Variants in KCND3 observed in about 807,000 individuals in gnomAD.
The protein encoded by KCND3 is potassium voltage-gated channel subfamily D member 3, also known as A-type voltage-gated potassium channel KCND3.
In KCND3, 9 loss-of-function variants were observed where a neutral mutation model predicts 51.1. That is an observed-to-expected ratio of 0.18 (90% confidence interval 0.11 to 0.31). The LOEUF is 0.31. Among genes scored for constraint, KCND3 ranks in the 10% least tolerant of loss-of-function variants. The pLI is 1.00. For missense variants in KCND3, 526 were observed against 903.8 expected (o/e 0.58, Z 5.36); for synonymous variants, 349 against 368.0 (o/e 0.95, Z 0.59).
At chr1:111,897,676 C>T (rs897207073) in intron 2 of KCND3, among the ~76,000 whole-genome samples, 1 of 152,088 alleles carries the variant, frequency 6.6e-6, no homozygotes, top group Non-Finnish European at 1.5e-5. Context: ...GTCTGGGGTA[C>T]AGAAAGAAGC....
chr1:111,887,853 A>G (rs986373216), intron 2 of KCND3, among the ~76,000 whole-genome samples: 2 of 152,270 alleles, frequency 1.3e-5, no homozygotes, highest in Non-Finnish European at 2.9e-5. Context: ...GGGCTCTCCC[A>G]GGGAACCCAT....
intron 2 of KCND3, among the ~76,000 whole-genome samples, chr1:111,897,274 C>A (rs777581268): frequency 3.9e-5 from 6 of 152,228 alleles, no homozygotes; most frequent in Non-Finnish European, 8.8e-5. Flanking sequence ...CCCTGGTGGT[C>A]CTCACAGCCT....
intron 2 of KCND3, among the ~76,000 whole-genome samples, chr1:111,971,468 C>T (rs1039991946): frequency 6.6e-6 from 1 of 152,134 alleles, no homozygotes; most frequent in African/African-American, 2.4e-5. Flanking sequence ...ATAGACAGCA[C>T]CAAAGTTCCT....
At chr1:111,987,673 G>A (rs914657370) in intron 1 of KCND3, among the ~76,000 whole-genome samples, 7 of 152,294 alleles carry the variant, frequency 4.6e-5, no homozygotes, top group East Asian at 3.9e-4. Flanking sequence ...AACACCTTCC[G>A]GAGCTGGCCT....
At chr1:111,978,816 A>G (rs1674785507) in intron 2 of KCND3, among the ~76,000 whole-genome samples, 2 of 152,140 alleles carry the variant, frequency 1.3e-5, no homozygotes, top group African/African-American at 4.8e-5. Flanking sequence ...AAGCAAATGG[A>G]AGAGGCACTC....
chr1:111,950,979 T>C (rs1673030629), intron 2 of KCND3, among the ~76,000 whole-genome samples: 1 of 152,028 alleles, frequency 6.6e-6, no homozygotes, highest in South Asian at 2.1e-4. Flanking sequence ...GAGACTAGCC[T>C]GGCTAACATG....
chr1:111,931,027 C>T (rs1436761612), intron 2 of KCND3, among the ~76,000 whole-genome samples: 3 of 152,228 alleles, frequency 2.0e-5, no homozygotes, highest in Non-Finnish European at 4.4e-5. Context: ...ATCCACAGCA[C>T]ATCCAGCACA....
chr1:111,861,907 T>G (rs1404745690), intron 2 of KCND3, among the ~76,000 whole-genome samples: 2 of 152,194 alleles, frequency 1.3e-5, no homozygotes, highest in African/African-American at 4.8e-5. Flanking sequence ...GCTCCTGTGG[T>G]CTGAGTTATG....
chr1:111,872,680 G>C (rs1430693301), intron 2 of KCND3, among the ~76,000 whole-genome samples: 2 of 152,282 alleles, frequency 1.3e-5, no homozygotes, highest in African/African-American at 4.8e-5. Context: ...AGGAATCTTA[G>C]TGCCAGACAA....
At chr1:111,945,694 A>G (rs947312560) in intron 2 of KCND3, among the ~76,000 whole-genome samples, 4 of 152,172 alleles carry the variant, frequency 2.6e-5, no homozygotes, top group South Asian at 2.1e-4. Flanking sequence ...TCTGTGCTCA[A>G]AAGTCCCCAG....
chr1:111,815,989 C>T (rs965428859), intron 2 of KCND3, among the ~76,000 whole-genome samples: 7 of 152,160 alleles, frequency 4.6e-5, no homozygotes, highest in African/African-American at 1.4e-4. Flanking sequence ...AAAAGGGAGG[C>T]AGGGTGGGGC....
At chr1:111,920,584 C>T (rs898896518) in intron 2 of KCND3, among the ~76,000 whole-genome samples, 17 of 152,318 alleles carry the variant, frequency 1.1e-4, no homozygotes, top group African/African-American at 2.2e-4. Context: ...CAAATGTGAG[C>T]GAAGGGGCAG....
At chr1:111,931,330 C>T (rs934437506) in intron 2 of KCND3, among the ~76,000 whole-genome samples, 2 of 152,148 alleles carry the variant, frequency 1.3e-5, no homozygotes, top group African/African-American at 2.4e-5. Flanking sequence ...AGCTCAGTAA[C>T]GTTTCACATG....
At chr1:111,972,490 A>G (rs2101965683) in intron 2 of KCND3, among the ~76,000 whole-genome samples, 1 of 152,276 alleles carries the variant, frequency 6.6e-6, no homozygotes, top group East Asian at 1.9e-4. Flanking sequence ...TATATCTTAA[A>G]CACTAGCAAA....
intron 5 of KCND3, among the ~76,000 whole-genome samples, chr1:111,779,087 GGGTTT>G (rs1378337975): frequency 6.6e-5 from 10 of 152,270 alleles, no homozygotes; most frequent in African/African-American, 2.4e-4. Flanking sequence ...CCTGTAACTA[GGGTTT>G]GCAGAGCACC....
rs537787193 is a variant in KCND3 at position 111,902,148 on chromosome 1, G to A, written c.1106+79473C>T. 4.6e-5 allele frequency among the ~76,000 whole-genome samples: 7 copies of A among 152,334 alleles called. No homozygotes were observed. In the East Asian group the frequency reaches 7.7e-4, roughly 17 times the overall value. On this transcript the variant is annotated intron_variant, in intron 2 of 7. Transcript: ENST00000302127. ...CTCCCAGCACCTGGCCAGTGGGTCCGAGATAGGAACGGGGCTCAAATGACC... is the reference window on the plus strand; with the variant it reads ...CTCCCAGCACCTGGCCAGTGGGTCCAAGATAGGAACGGGGCTCAAATGACC...
chr1:111,794,003 A>G (rs909853967), intron 2 of KCND3, among the ~76,000 whole-genome samples: 4 of 152,148 alleles, frequency 2.6e-5, no homozygotes, highest in Non-Finnish European at 4.4e-5. Flanking sequence ...TGTGGTGCCC[A>G]GCCCAGAGTT....
chr1:111,799,103 A>G (rs1665180605), intron 2 of KCND3, among the ~76,000 whole-genome samples: 1 of 152,202 alleles, frequency 6.6e-6, no homozygotes, highest in Non-Finnish European at 1.5e-5. Context: ...CCAAGATGGT[A>G]GTACTACCTG....
At chr1:111,841,353 C>A (rs1667312822) in intron 2 of KCND3, among the ~76,000 whole-genome samples, 2 of 152,224 alleles carry the variant, frequency 1.3e-5, no homozygotes, top group Admixed American at 6.5e-5. Context: ...GGCCTGCGTT[C>A]CATCCAACAG....
Sources: gnomAD v4.1 joint callset for allele counts (sites outside exome capture counted in the v4.1 genomes callset) on GRCh38, gnomAD v4.1.1 for gene constraint, MANE v1.5 for transcripts, NCBI Gene and HGNC (gene_info 2026-07-23, HGNC 2026-07-21) for gene names.